ASIC2: variants seen among roughly 807,000 people sequenced by gnomAD.
ASIC2 encodes the protein acid-sensing ion channel 2.
Under a neutral mutation model 57.3 loss-of-function variants are expected in ASIC2, and 25 were observed. The observed-to-expected ratio is 0.44, with a 90% confidence interval of 0.32 to 0.61. ASIC2 has a LOEUF of 0.61. ASIC2 is among the 20% of genes least tolerant of loss of function. ASIC2 has a pLI of 0.06. For missense variants in ASIC2, 641 were observed against 738.1 expected (o/e 0.87, Z 1.52); for synonymous variants, 319 against 307.5 (o/e 1.04, Z -0.39).
chr17:33,661,404 C>T (rs1343204396), intron 1 of ASIC2, among the ~76,000 whole-genome samples: 1 of 152,190 alleles, frequency 6.6e-6, no homozygotes. Flanking sequence ...GGGGCTGCCC[C>T]ATTGCACAAT....
chr17:33,428,673 C>T (rs115776132), intron 1 of ASIC2, among the ~76,000 whole-genome samples: 62 of 152,232 alleles, frequency 4.1e-4, no homozygotes, highest in African/African-American at 1.4e-3. Context: ...CAGTCCATAG[C>T]TTTGACCCAT....
chr17:33,763,332 T>C (rs1342933071), intron 1 of ASIC2, among the ~76,000 whole-genome samples: 7 of 152,192 alleles, frequency 4.6e-5, no homozygotes, highest in African/African-American at 1.7e-4. Flanking sequence ...ATCTGGTCAC[T>C]CTGTTCACTT....
intron 1 of ASIC2, among the ~76,000 whole-genome samples, chr17:33,642,997 C>A (rs1367895726): frequency 7.9e-5 from 12 of 152,216 alleles, no homozygotes; most frequent in Admixed American, 1.3e-4. Context: ...GCAGCTCCAA[C>A]CACCACGTAG....
chr17:33,510,383 G>A (rs1298890623), intron 1 of ASIC2, among the ~76,000 whole-genome samples: 2 of 152,198 alleles, frequency 1.3e-5, no homozygotes, highest in Non-Finnish European at 2.9e-5. Flanking sequence ...CTGGCATGGT[G>A]GCTCATGCCT....
intron 1 of ASIC2, among the ~76,000 whole-genome samples, chr17:33,528,894 A>G (rs1415205466): frequency 1.3e-5 from 2 of 152,220 alleles, no homozygotes; most frequent in African/African-American, 2.4e-5. Flanking sequence ...CTGGGCATCA[A>G]TAGCCCTGGG....
At chr17:33,843,809 A>G (rs1486032554) in intron 1 of ASIC2, among the ~76,000 whole-genome samples, 1 of 152,230 alleles carries the variant, frequency 6.6e-6, no homozygotes, top group Non-Finnish European at 1.5e-5. Context: ...AAGTCAGGCA[A>G]GAAGAGGCAA....
At chr17:34,096,373 T>C (rs1452860218) in intron 1 of ASIC2, among the ~76,000 whole-genome samples, 1 of 152,176 alleles carries the variant, frequency 6.6e-6, no homozygotes, top group Non-Finnish European at 1.5e-5. Flanking sequence ...GAAGCTCATA[T>C]GGCTGTTAAG....
Position 33,755,520 on chromosome 17 carries a change from A to G in ASIC2, c.555+400458T>C, listed in dbSNP as rs75534884. Reference sequence around the variant, plus strand: ...CTAAGCTCATAGGCTTATGCTAAGCAGAAACCTGCTCTTAGAGATGAATGA... The same window carrying G: ...CTAAGCTCATAGGCTTATGCTAAGCGGAAACCTGCTCTTAGAGATGAATGA... On this transcript the variant is annotated intron_variant, in intron 1 of 9. Transcript: ENST00000359872. Among the ~76,000 whole-genome samples, 446 of 152,332 alleles carry G rather than the reference A, an allele frequency of 2.9e-3. 1 individual carries two copies. The highest frequency in any genetic ancestry group is 0.01 in the African/African-American group (430 of 41,578).
intron 1 of ASIC2, among the ~76,000 whole-genome samples, chr17:33,999,978 A>T (rs938728047): frequency 1.3e-5 from 2 of 151,824 alleles, no homozygotes; most frequent in African/African-American, 4.8e-5. Context: ...TTGTCTGTGG[A>T]AGTCTTTATC....
At chr17:33,949,736 C>T (rs929728453) in intron 1 of ASIC2, among the ~76,000 whole-genome samples, 6 of 152,098 alleles carry the variant, frequency 3.9e-5, no homozygotes, top group African/African-American at 1.4e-4. Context: ...AATGTGGGAT[C>T]GTGTTTGGTA....
chr17:33,805,266 A>T (rs750721420), intron 1 of ASIC2, among the ~76,000 whole-genome samples: 5 of 152,166 alleles, frequency 3.3e-5, no homozygotes, highest in Non-Finnish European at 7.3e-5. Flanking sequence ...ACCTCTGCAG[A>T]TGGTAGGTGA....
intron 1 of ASIC2, among the ~76,000 whole-genome samples, chr17:33,671,112 G>T (rs1198307847): frequency 6.6e-6 from 1 of 152,110 alleles, no homozygotes; most frequent in Non-Finnish European, 1.5e-5. Flanking sequence ...ATTACTCCAT[G>T]ATACAACTTG....
chr17:33,312,805 G>A (rs1009637464), intron 1 of ASIC2, among the ~76,000 whole-genome samples: 1 of 152,072 alleles, frequency 6.6e-6, no homozygotes, highest in African/African-American at 2.4e-5. Context: ...GCATGGTGGC[G>A]CATGCCTGTA....
At chr17:33,247,865 C>T (rs1908745741) in intron 1 of ASIC2, among the ~76,000 whole-genome samples, 1 of 152,154 alleles carries the variant, frequency 6.6e-6, no homozygotes, top group Non-Finnish European at 1.5e-5. Flanking sequence ...AATCAGTGGG[C>T]ACAAGAGACA....
intron 1 of ASIC2, among the ~76,000 whole-genome samples, chr17:33,634,506 T>G (rs971962815): frequency 7.2e-6 from 1 of 138,324 alleles, no homozygotes; most frequent in Non-Finnish European, 1.5e-5. Context: ...AGAGAAAAAC[T>G]TTTTTTTCTT....
At chr17:33,032,623 A>T (rs1227003280) in intron 3 of ASIC2, among the ~76,000 whole-genome samples, 9 of 151,746 alleles carry the variant, frequency 5.9e-5, no homozygotes, top group African/African-American at 9.7e-5. Context: ...TAATTTTTGT[A>T]TTTTTAGTAG....
chr17:33,859,690 T>C (rs1482084016), intron 1 of ASIC2, among the ~76,000 whole-genome samples: 1 of 152,146 alleles, frequency 6.6e-6, no homozygotes, highest in Non-Finnish European at 1.5e-5. Flanking sequence ...ACTTATTTTA[T>C]TTGGTTATTG....
At chr17:33,901,227 A>G (rs1315077611) in intron 1 of ASIC2, among the ~76,000 whole-genome samples, 1 of 152,012 alleles carries the variant, frequency 6.6e-6, no homozygotes, top group East Asian at 1.9e-4. Flanking sequence ...TGCCTCTTGC[A>G]TATTATCACT....
intron 1 of ASIC2, among the ~76,000 whole-genome samples, chr17:33,333,424 T>A (rs1439093240): frequency 6.6e-6 from 1 of 152,208 alleles, no homozygotes; most frequent in Non-Finnish European, 1.5e-5. Flanking sequence ...ATCAGAGAGT[T>A]ATCATAAAGA....
Sources: gnomAD v4.1 joint callset for allele counts (sites outside exome capture counted in the v4.1 genomes callset) on GRCh38, gnomAD v4.1.1 for gene constraint, MANE v1.5 for transcripts, NCBI Gene and HGNC (gene_info 2026-07-23, HGNC 2026-07-21) for gene names.